IYD: variants seen among roughly 807,000 people sequenced by gnomAD.
IYD encodes the protein iodotyrosine deiodinase 1.
IYD carries 25 observed loss-of-function variants against 28.4 expected under a neutral mutation model. The ratio of observed to expected loss-of-function variants is 0.88; its 90% confidence interval spans 0.64 to 1.23. The LOEUF is 1.23. Among genes scored for constraint, IYD ranks in the 50% most tolerant of loss-of-function variants. IYD has a pLI of 0.00. For missense variants in IYD, 352 were observed against 357.9 expected (o/e 0.98, Z 0.13); for synonymous variants, 140 against 130.8 (o/e 1.07, Z -0.48).
Position 150,404,970 on chromosome 6 carries a change from A to G in IYD, c.*6733A>G, listed in dbSNP as rs1203999040. The G allele has an allele frequency of 1.3e-5, 2 of 152,216 alleles. No homozygotes were observed. Among genetic ancestry groups the G allele is most frequent in the African/African-American group, 4.8e-5 (2 of 41,456 alleles). 9.4% of individuals were successfully genotyped at this position (152,216 alleles called of 1,614,324 possible). ...ACCGGATGCTGTTATAGCTTCACCA[A>G]TCACAACAAGCACAGTGCTTGGAAC... On this transcript the variant is annotated 3_prime_UTR_variant, in exon 5 of 5. Coordinates refer to ENST00000344419, the MANE Select transcript of IYD (RefSeq NM_203395.3).
In IYD at chr6:150,392,382, C is replaced by T; in HGVS notation, c.408C>T (p.Thr136=). The change falls in exon 3 of 5, where the codon ACC becomes ACT. Residue 136 remains threonine, a synonymous_variant. Transcript: ENST00000344419. ...APSGAHTEPW[T]FVVVKDPDVK... ...GTGGGGCTCACACAGAGCCCTGGAC[C>T]TTCGTGGTTGTGAAGGACCCAGACG... 6.2e-7 allele frequency: 1 copy of T among 1,613,762 alleles called. No individual in the cohort carries two copies. Among genetic ancestry groups the T allele is most frequent in the South Asian group, 1.1e-5 (1 of 91,062 alleles).
At chr6:150,372,173 G>C (rs1158577735) in intron 1 of IYD, among the ~76,000 whole-genome samples, 1 of 152,138 alleles carries the variant, frequency 6.6e-6, no homozygotes, top group Non-Finnish European at 1.5e-5. Context: ...GAAAATATGG[G>C]TACCCATCCA....
In IYD at chr6:150,401,968, A is replaced by T. The variant is rs1444071275; in HGVS notation, c.*3731A>T. The T allele has an allele frequency of 2.0e-5, 3 of 152,122 alleles. No individual in the cohort carries two copies. The highest frequency in any genetic ancestry group is 3.8e-4 in the East Asian group (2 of 5,196). The allele number at this position is 152,122 out of a possible 1,614,324, so 9.4% of individuals were successfully genotyped here. On this transcript the variant is annotated 3_prime_UTR_variant, in exon 5 of 5. Coordinates refer to ENST00000344419, the MANE Select transcript of IYD (RefSeq NM_203395.3). ...GTTAAAGCACAGATTGCTGGGCCGC[A>T]CCCTCAGGGTGTGTGATTGTGTGAT...
chr6:150,373,268 T>C (rs962954738), intron 1 of IYD, among the ~76,000 whole-genome samples: 3 of 152,250 alleles, frequency 2.0e-5, no homozygotes, highest in African/African-American at 4.8e-5. Flanking sequence ...CAGATTGTTA[T>C]GTGCCCATAA....
intron 1 of IYD, among the ~76,000 whole-genome samples, chr6:150,378,837 C>T (rs1255711586): frequency 6.6e-6 from 1 of 152,166 alleles, no homozygotes; most frequent in African/African-American, 2.4e-5. Flanking sequence ...AAGACACATG[C>T]ACACGTATGT....
chr6:150,389,298 A>T (rs2115047323), intron 1 of IYD, 54 bp from the exon 2 acceptor site: 1 of 1,397,746 alleles, frequency 7.2e-7, no homozygotes, highest in African/African-American at 1.4e-5. Flanking sequence ...CCCAGCGGTC[A>T]CCTTATGACC....
rs1313380456 is a variant in IYD at position 150,400,754 on chromosome 6, C to A, written c.*2517C>A. The A allele has an allele frequency of 6.6e-6, 1 of 152,200 alleles. No individual in the cohort carries two copies. The highest frequency in any genetic ancestry group is 1.5e-5 in the Non-Finnish European group (1 of 68,036). 9.4% of individuals were successfully genotyped at this position (152,200 alleles called of 1,614,324 possible). ...AGACTCTCAGGCCTCACCTAGACAT[C>A]CAGAATCAAAATCTGCATTTTAACA... On this transcript the variant is annotated 3_prime_UTR_variant, in exon 5 of 5. Transcript: ENST00000344419.
At chr6:150,389,710 T>C (rs1778040000) in intron 2 of IYD, 167 bp downstream of exon 2, 2 of 645,840 alleles carry the variant, frequency 3.1e-6, no homozygotes. Flanking sequence ...CACAATGACT[T>C]CTACTTTCCA....
intron 1 of IYD, chr6:150,384,819 T>G (rs1777801430): frequency 6.6e-6 from 1 of 152,218 alleles, no homozygotes; most frequent in Admixed American, 6.5e-5. Flanking sequence ...GAGACTATCT[T>G]GAACTTCACA....
At position 150,392,377 on chromosome 6, in the gene IYD, T is replaced by A. The variant is rs1377667067; in HGVS notation, c.403T>A (p.Trp135Arg). The A allele has an allele frequency of 6.2e-7, 1 of 1,613,670 alleles. No homozygotes were observed. The highest frequency in any genetic ancestry group is 8.5e-7 in the Non-Finnish European group (1 of 1,179,874). ...TAPSGAHTEP[W>R]TFVVVKDPDV... ...CCCGAGTGGGGCTCACACAGAGCCC[T>A]GGACCTTCGTGGTTGTGAAGGACCC... The change falls in exon 3 of 5, where the codon TGG (tryptophan) becomes AGG (arginine). Residue 135 changes from tryptophan to arginine, a missense_variant. Transcript: ENST00000344419.
intron 1 of IYD, among the ~76,000 whole-genome samples, chr6:150,383,467 C>G (rs1342784500): frequency 1.3e-5 from 2 of 152,198 alleles, no homozygotes; most frequent in Admixed American, 6.5e-5. Flanking sequence ...CCTACAATAA[C>G]AGATGAGCAT....
rs199730047 is a variant in IYD at position 150,391,952 on chromosome 6, AC to A, written c.371-390del. On this transcript the variant is annotated intron_variant, in intron 2 of 4. Transcript: ENST00000344419. Reference sequence around the variant, plus strand: ...TTGAACTCCTGACCTCAGGTGATCCACCCACCTCGGCCTCCCAAAGTGCTGG... The same window carrying A: ...TTGAACTCCTGACCTCAGGTGATCCACCACCTCGGCCTCCCAAAGTGCTGG... 9.5e-3 allele frequency among the ~76,000 whole-genome samples: 1,447 copies of A among 151,750 alleles called. 31 individuals are homozygous for A. The highest frequency in any genetic ancestry group is 0.033 in the African/African-American group (1,373 of 41,372).
chr6:150,398,103 C>T lies in IYD; in HGVS notation c.736C>T (p.Arg246Ter), dbSNP rs186449515. The stretch of plus-strand genomic sequence containing the variant: ...TACCACTCCTCTCAACTGTGGCCCT[C>T]GACTGAGGGTGCTCCTGGGCCGCCC... ...VTTTPLNCGP[R>*]LRVLLGRPAH... is the part of the protein sequence containing the mutation. The change falls in exon 5 of 5, where the codon CGA becomes TGA. Residue 246 changes from arginine (R) to a stop codon, truncating the protein, a stop_gained. Coordinates refer to ENST00000344419, the MANE Select transcript of IYD (RefSeq NM_203395.3). LOFTEE classifies it high-confidence loss of function. 24 of 1,614,186 alleles carry T rather than the reference C, an allele frequency of 1.5e-5. No homozygotes were observed. The Admixed American group carries it at 2.2e-4, about 15-fold the overall frequency.
rs898562080 is a variant in IYD, at chr6:150,405,371, A to T, written c.*7134A>T. ...TACTTTTGAGTCCTTTCCACCCCTT[A>T]CTTGGCCCCTCAATTCATACTTTTT... On this transcript the variant is annotated 3_prime_UTR_variant, in exon 5 of 5. Transcript: ENST00000344419. 6.6e-6 allele frequency: 1 copy of T among 152,132 alleles called. No homozygotes were observed. Among genetic ancestry groups the T allele is most frequent in the Non-Finnish European group, 1.5e-5 (1 of 68,050 alleles). The allele number at this position is 152,132 out of a possible 1,614,324, so 9.4% of individuals were successfully genotyped here. A position where few individuals can be genotyped will look rare whatever the true frequency, so the allele number is the denominator to read the frequency against.
intron 1 of IYD, among the ~76,000 whole-genome samples, chr6:150,379,894 A>G (rs1777584807): frequency 6.6e-6 from 1 of 152,284 alleles, no homozygotes; most frequent in Middle Eastern, 3.4e-3. Context: ...GTGTATAAGC[A>G]TTTGGACCCC....
chr6:150,391,688 T>G (rs924616266), intron 2 of IYD, among the ~76,000 whole-genome samples: 1 of 152,078 alleles, frequency 6.6e-6, no homozygotes, highest in African/African-American at 2.4e-5. Flanking sequence ...CTAACTTCAT[T>G]TTGAGCAAGT....
chr6:150,377,867 G>A (rs1340109702), intron 1 of IYD, among the ~76,000 whole-genome samples: 1 of 152,186 alleles, frequency 6.6e-6, no homozygotes, highest in African/African-American at 2.4e-5. Flanking sequence ...AAAGTTCAGA[G>A]TTGTCACTGT....
At chr6:150,391,940 C>T (rs1487004001) in intron 2 of IYD, among the ~76,000 whole-genome samples, 1 of 151,912 alleles carries the variant, frequency 6.6e-6, no homozygotes, top group African/African-American at 2.4e-5. Flanking sequence ...AACTCCTGAC[C>T]TCAGGTGATC....
At chr6:150,394,077 T>A in intron 3 of IYD, 22 bp from the exon 4 acceptor site, 1 of 1,612,664 alleles carries the variant, frequency 6.2e-7, no homozygotes, top group Non-Finnish European at 8.5e-7. Flanking sequence ...AATATTATCC[T>A]GAATCTCTTT....
Sources: gnomAD v4.1 joint callset for allele counts (sites outside exome capture counted in the v4.1 genomes callset) on GRCh38, gnomAD v4.1.1 for gene constraint, MANE v1.5 for transcripts, NCBI Gene and HGNC (gene_info 2026-07-23, HGNC 2026-07-21) for gene names.